DNHD1: variants seen among roughly 807,000 people sequenced by gnomAD.
DNHD1 encodes the protein dynein heavy chain domain-containing protein 1.
In DNHD1, 383 loss-of-function variants were observed where a neutral mutation model predicts 458.1. The observed-to-expected ratio is 0.84, with a 90% CI of 0.77 to 0.91. The LOEUF (loss-of-function observed/expected upper bound fraction) is 0.91. Among genes scored for constraint, DNHD1 ranks in the 40% least tolerant of loss-of-function variants. The pLI is 0.00. For synonymous variants in DNHD1, 2,203 were observed against 2,376.9 expected (o/e 0.93, Z 2.13); for missense variants, 5,336 against 5,866.1 (o/e 0.91, Z 2.95).
Position 6,548,419 on chromosome 11 carries a change from G to A in DNHD1, c.7098+17G>A, listed in dbSNP as rs1853268705. Reference sequence around the variant, plus strand: ...TCTATCCAGGTGTGAGGACAGTAAGGCAAGAGCTGGGGTTAGAACTTCAGG... The same window carrying A: ...TCTATCCAGGTGTGAGGACAGTAAGACAAGAGCTGGGGTTAGAACTTCAGG... On this transcript the variant is annotated intron_variant, in intron 23 of 42. Transcript: ENST00000254579. This position sits in a 1 kb window ranked among gnomAD's most constrained non-coding sequence, Gnocchi z 4.4. 6.4e-7 allele frequency: 1 copy of A among 1,550,532 alleles called. No homozygotes were observed. The highest frequency in any genetic ancestry group is 2.0e-5 in the Admixed American group (1 of 50,910).
chr11:6,503,031 TC>T, intron 4 of DNHD1, 105 bp downstream of exon 4: 1 of 1,263,774 alleles, frequency 7.9e-7, no homozygotes, highest in Non-Finnish European at 1.1e-6. Flanking sequence ...CCCTGTCCTT[TC>T]TCCACATACT....
chr11:6,544,071 GC>G (rs1468964737), intron 18 of DNHD1, 49 bp from the exon 19 acceptor site: 2 of 1,455,964 alleles, frequency 1.4e-6, no homozygotes, highest in South Asian at 1.2e-5. Context: ...CTCTCCCCCA[GC>G]CCCGGCCCTT....
chr11:6,511,275 T>C lies in DNHD1; in HGVS notation c.1238T>C (p.Leu413Pro), dbSNP rs1465522120. The C allele has an allele frequency of 6.2e-7, 1 of 1,614,138 alleles. No homozygotes were observed. Among genetic ancestry groups the C allele is most frequent in the Admixed American group, 1.7e-5 (1 of 60,016 alleles). Residue 413 changes from leucine to proline, a missense_variant and splice_region_variant, in exon 7 of 43, where the codon CTT becomes CCT. By Grantham distance (98) the Leu-to-Pro change is moderately conservative. This residue lies in a region of DNHD1 where 3,932 missense variants were observed against 4,365.6 expected (regional missense o/e 0.90). Transcript: ENST00000254579. ...FGAGLLHISR[L>P]LQELHSVSWL... The stretch of plus-strand genomic sequence containing the variant: ...ACCAGCTTAGTCCTTGATTCTAGGC[T>C]TCTGCAGGAGCTACACTCTGTGTCC...
intron 18 of DNHD1, 57 bp downstream of exon 18, chr11:6,540,140 C>A: frequency 6.9e-7 from 1 of 1,452,014 alleles, no homozygotes; most frequent in Non-Finnish European, 9.4e-7. Context: ...CATTTTCATC[C>A]ACCATATCCA....
At position 6,565,705 on chromosome 11, in the gene DNHD1, C is replaced by T. The variant is rs778466019; in HGVS notation, c.10767C>T (p.Leu3589=). 3.9e-6 allele frequency: 6 copies of T among 1,547,038 alleles called. No individual in the cohort carries two copies. The South Asian group carries it at 7.2e-5, about 19-fold the overall frequency. Reference sequence around the variant, plus strand: ...ATCTTTCTGCCCCAGGGAAAGGCCTCATGAGAAATCAAAAGAGAGAGAGTA... The same window carrying T: ...ATCTTTCTGCCCCAGGGAAAGGCCTTATGAGAAATCAAAAGAGAGAGAGTA... ...PALTEGRGKG[L]MRNQKRESKT... Residue 3589 remains leucine (L), a synonymous_variant, in exon 33 of 43, where the codon CTC becomes CTT. Coordinates refer to ENST00000254579, the MANE Select transcript of DNHD1 (RefSeq NM_144666.3).
chr11:6,544,011 T>G, intron 18 of DNHD1, 110 bp from the exon 19 acceptor site: 4 of 406,642 alleles, frequency 9.8e-6, no homozygotes, highest in Non-Finnish European at 1.3e-5. Context: ...AGAAAGGGCA[T>G]CAGGGTCTCT....
rs1853835693 is a variant in DNHD1, at chr11:6,571,033, G to C, written c.13521G>C (p.Leu4507Phe). Residue 4507 changes from leucine to phenylalanine, a missense_variant, in exon 42 of 43, where the codon TTG becomes TTC. Leu to Phe is a conservative substitution (Grantham distance 22). Transcript: ENST00000254579. The surrounding 1 kb of genome is among the most constrained non-coding windows in gnomAD (Gnocchi z 5.0). ...TACAACGCGACCTTGATTGCCTGTT[G>C]CAGCAGCTGAAGGGCGCACCCCCGT... is the stretch of plus-strand genomic sequence containing the variant. ...GTLQRDLDCL[L>F]QQLKGAPPCP... The C allele has an allele frequency of 1.3e-6, 2 of 1,585,180 alleles. No individual in the cohort carries two copies. Among genetic ancestry groups the C allele is most frequent in the African/African-American group, 2.7e-5 (2 of 74,442 alleles).
At position 6,548,036 on chromosome 11, in the gene DNHD1, T is replaced by C; in HGVS notation, c.6901T>C (p.Ser2301Pro). 6.4e-7 allele frequency: 1 copy of C among 1,551,668 alleles called. No homozygotes were observed. The highest frequency in any genetic ancestry group is 8.7e-7 in the Non-Finnish European group (1 of 1,146,978). ...CTGGGGCTTTGGAGCCCACCTTCCC[T>C]CCAGGTACCTACCAGGATGGGGGAT... is the stretch of plus-strand genomic sequence containing the variant. ...LIWGFGAHLP[S>P]RFWPIFDTFI... The change falls in exon 22 of 43, where the codon TCC (serine) becomes CCC (proline). Residue 2301 changes from serine (S) to proline (P), a missense_variant. Physicochemically the swap from Ser to Pro is moderately conservative, Grantham distance 74. This residue lies in a region of DNHD1 where 3,932 missense variants were observed against 4,365.6 expected (regional missense o/e 0.90). Coordinates refer to ENST00000254579, the MANE Select transcript of DNHD1 (RefSeq NM_144666.3). This position sits in a 1 kb window ranked among gnomAD's most constrained non-coding sequence, Gnocchi z 4.4.
chr11:6,538,276 C>T, intron 14 of DNHD1, 107 bp from the exon 15 acceptor site: 1 of 1,038,928 alleles, frequency 9.6e-7, no homozygotes, highest in South Asian at 1.5e-5. Context: ...CCAACCATCA[C>T]TTTCTGGACC....
chr11:6,545,937 T>G lies in DNHD1; in HGVS notation c.4998T>G (p.Pro1666=). The part of the protein sequence containing the change: ...PRLGPLPSLL[P]ERPALVLLLA... ...TAGGGCCTCTACCCAGCCTACTGCC[T>G]GAACGGCCAGCCCTGGTACTATTAT... Residue 1666 remains proline, a synonymous_variant, in exon 21 of 43, where the codon CCT becomes CCG. Transcript: ENST00000254579. The surrounding 1 kb of genome is among the most constrained non-coding windows in gnomAD (Gnocchi z 4.9). The G allele has an allele frequency of 1.9e-6, 3 of 1,551,788 alleles. No individual in the cohort carries two copies. The highest frequency in any genetic ancestry group is 2.6e-6 in the Non-Finnish European group (3 of 1,147,006).
Position 6,564,011 on chromosome 11 carries a change from TC to T in DNHD1, c.10174del (p.His3392ThrfsTer21), listed in dbSNP as rs1322011568. Reference protein sequence around the residue: ...LAKMVEDAQASHNCVAKTLSQ... With the variant: ...LAKMVEDAQAXHNCVAKTLSQ... The stretch of plus-strand genomic sequence containing the variant: ...TAAGATGGTGGAGGATGCCCAAGCT[TC>T]CCACAACTGCGTGGCAAAGACCCTC... On this transcript the variant is annotated frameshift_variant, in exon 31 of 43. Transcript: ENST00000254579. LOFTEE classifies it high-confidence loss of function. 7.1e-6 allele frequency: 11 copies of T among 1,551,592 alleles called. No individual in the cohort carries two copies. Among genetic ancestry groups the T allele is most frequent in the Non-Finnish European group, 9.6e-6 (11 of 1,147,002 alleles).
intron 17 of DNHD1, 35 bp from the exon 18 acceptor site, chr11:6,539,841 A>T (rs770876158): frequency 5.8e-6 from 9 of 1,543,672 alleles, no homozygotes; most frequent in Non-Finnish European, 7.9e-6. Context: ...CGAAGCAGTT[A>T]CCCAGTCCTG....
At position 6,568,794 on chromosome 11, in the gene DNHD1, T is replaced by C; in HGVS notation, c.12791T>C (p.Leu4264Pro). ...YMQPPTQALP[L>P]LLLHGLLLHR... Reference sequence around the variant, plus strand: ...CAACCCCCCACCCAGGCACTACCTCTGCTCCTCCTCCATGGCCTCCTGCTA... The same window carrying C: ...CAACCCCCCACCCAGGCACTACCTCCGCTCCTCCTCCATGGCCTCCTGCTA... Residue 4264 changes from leucine to proline, a missense_variant, in exon 39 of 43, where the codon CTG becomes CCG. By Grantham distance (98) the Leu-to-Pro change is moderately conservative. Coordinates refer to ENST00000254579, the MANE Select transcript of DNHD1 (RefSeq NM_144666.3). 3.1e-6 allele frequency: 5 copies of C among 1,613,550 alleles called. No individual in the cohort carries two copies. Among genetic ancestry groups the C allele is most frequent in the Non-Finnish European group, 4.2e-6 (5 of 1,179,764 alleles).
rs1489786443 is a variant in DNHD1 at position 6,498,029 on chromosome 11, G to A, written c.-187G>A. 3 of 753,574 alleles carry A rather than the reference G, an allele frequency of 4.0e-6. No homozygotes were observed. The highest frequency in any genetic ancestry group is 6.6e-6 in the Non-Finnish European group (3 of 454,608). 46.7% of individuals were successfully genotyped at this position (753,574 alleles called of 1,614,324 possible). On this transcript the variant is annotated 5_prime_UTR_variant, in exon 3 of 43. Coordinates refer to ENST00000254579, the MANE Select transcript of DNHD1 (RefSeq NM_144666.3). ...AGCTCCATCTATTTCCCTGTCCCAG[G>A]TCCTTTCTTCCTCCTAACCCCATTG...
At chr11:6,507,009 A>G (rs1852242050) in intron 4 of DNHD1, among the ~76,000 whole-genome samples, 1 of 152,218 alleles carries the variant, frequency 6.6e-6, no homozygotes, top group South Asian at 2.1e-4. Flanking sequence ...GGTGCAAGCA[A>G]GATGGAGTTT....
intron 41 of DNHD1, 92 bp from the exon 42 acceptor site, chr11:6,570,526 A>G: frequency 6.8e-7 from 1 of 1,481,438 alleles, no homozygotes; most frequent in South Asian, 1.4e-5. Flanking sequence ...TATGGGGGTG[A>G]TGGCAGTAAA....
At position 6,565,936 on chromosome 11, in the gene DNHD1, T is replaced by A; in HGVS notation, c.10998T>A (p.Val3666=). The part of the protein sequence containing the change: ...TQLPSLPYLS[V]LSGADPELGS... ...TTCCATCCCTTCCCTACCTTAGTGT[T>A]CTTTCAGGTGCTGACCCAGAGCTGG... The change falls in exon 33 of 43, where the codon GTT becomes GTA. Residue 3666 remains valine, a synonymous_variant. Coordinates refer to ENST00000254579, the MANE Select transcript of DNHD1 (RefSeq NM_144666.3). The A allele has an allele frequency of 1.9e-6, 3 of 1,551,594 alleles. No individual in the cohort carries two copies. The highest frequency in any genetic ancestry group is 2.6e-6 in the Non-Finnish European group (3 of 1,146,984).
Position 6,571,631 on chromosome 11 carries a change from C to T in DNHD1, c.13912-5C>T, listed in dbSNP as rs2134470964. The stretch of plus-strand genomic sequence containing the variant: ...CCTTGCCTGACCAGCTTCTGACGCC[C>T]CCAGGTGGAGAATGGTCCAAATCCC... On this transcript the variant is annotated splice_polypyrimidine_tract_variant and splice_region_variant and intron_variant, in intron 42 of 42. Transcript: ENST00000254579. This position sits in a 1 kb window ranked among gnomAD's most constrained non-coding sequence, Gnocchi z 5.0. 1.3e-6 allele frequency: 2 copies of T among 1,561,474 alleles called. No individual in the cohort carries two copies. The highest frequency in any genetic ancestry group is 1.2e-5 in the South Asian group (1 of 83,260).
At position 6,570,028 on chromosome 11, in the gene DNHD1, C is replaced by G. The variant is rs776360124; in HGVS notation, c.12883C>G (p.Gln4295Glu). 1 of 1,613,914 alleles carries G rather than the reference C, an allele frequency of 6.2e-7. No homozygotes were observed. Among genetic ancestry groups the G allele is most frequent in the Admixed American group, 1.7e-5 (1 of 60,016 alleles). The change falls in exon 40 of 43, where the codon CAG (glutamine) becomes GAG (glutamate). Residue 4295 changes from glutamine (Q) to glutamate (E), a missense_variant. By Grantham distance (29) the Gln-to-Glu change is conservative. Coordinates refer to ENST00000254579, the MANE Select transcript of DNHD1 (RefSeq NM_144666.3). ...CTCTAGGAGTCAAGTGACTCTAACC[C>G]AGGTTCTTCAGACCCAAGACCAGCT... is the stretch of plus-strand genomic sequence containing the variant. ...RGRWSQVTLTQVLQTQDQLWA... is the reference protein window; with the variant it reads ...RGRWSQVTLTEVLQTQDQLWA...
Sources: gnomAD v4.1 joint callset for allele counts (sites outside exome capture counted in the v4.1 genomes callset) on GRCh38, gnomAD v4.1.1 for gene constraint, gnomAD v4.1.1 regional missense constraint, Gnocchi (gnomAD v3.1) non-coding constraint, MANE v1.5 for transcripts, NCBI Gene and HGNC (gene_info 2026-07-23, HGNC 2026-07-21) for gene names.